Variants in LMBR1 observed in about 807,000 individuals in gnomAD.
LMBR1 encodes the protein limb region 1 protein homolog.
Under a neutral mutation model 73.9 loss-of-function variants are expected in LMBR1, and 52 were observed. That is an observed-to-expected ratio of 0.70 (90% CI 0.56 to 0.89). The LOEUF is 0.89. LMBR1 is among the 40% of genes least tolerant of loss of function. The pLI is 0.00. For missense variants in LMBR1, 539 were observed against 579.8 expected, an observed-to-expected ratio of 0.93 and a Z score of 0.72; for synonymous variants, 215 against 209.4, an observed-to-expected ratio of 1.03 and a Z score of -0.23.
At chr7:156,704,938 G>A (rs530654637) in intron 15 of LMBR1, among the ~76,000 whole-genome samples, 5 of 152,152 alleles carry the variant, frequency 3.3e-5, no homozygotes, top group Middle Eastern at 3.4e-3. Context: ...ATGAAGCCTT[G>A]GAGATGTTTG....
intron 5 of LMBR1, among the ~76,000 whole-genome samples, chr7:156,791,942 A>G (rs1360213985): frequency 1.3e-5 from 2 of 152,256 alleles, no homozygotes; most frequent in African/African-American, 2.4e-5. Flanking sequence ...TAAATTTTAC[A>G]TAACAATCAT....
chr7:156,778,212 C>T (rs1226537347), intron 5 of LMBR1, among the ~76,000 whole-genome samples: 1 of 152,136 alleles, frequency 6.6e-6, no homozygotes, highest in Non-Finnish European at 1.5e-5. Context: ...CAGTAAATAA[C>T]TCACAAAAAG....
At chr7:156,749,552 A>T (rs73741522) in intron 9 of LMBR1, among the ~76,000 whole-genome samples, 1,994 of 152,296 alleles carry the variant, frequency 0.013, 46 homozygotes, top group African/African-American at 0.046. Context: ...TGTATAAGAC[A>T]TGTCTTGTTT....
intron 12 of LMBR1, among the ~76,000 whole-genome samples, chr7:156,726,401 T>C (rs77824383): frequency 0.032 from 4,868 of 152,094 alleles, 120 homozygotes; most frequent in South Asian, 0.083. Flanking sequence ...AAAAAAGTAA[T>C]GCTATAAATT....
intron 5 of LMBR1, among the ~76,000 whole-genome samples, chr7:156,787,764 A>G (rs888328695): frequency 2.0e-5 from 3 of 152,182 alleles, no homozygotes; most frequent in Non-Finnish European, 2.9e-5. Flanking sequence ...CAAACTAGAT[A>G]TAACTGGATC....
chr7:156,871,881 G>C lies in LMBR1; in HGVS notation c.66+21047C>G, dbSNP rs56289606. ...GGTTTCCCACTGAGATCAGGCACAAGGCAGAGATGTCCACTCTTACTTACT... is the reference window on the plus strand; with the variant it reads ...GGTTTCCCACTGAGATCAGGCACAACGCAGAGATGTCCACTCTTACTTACT... On this transcript the variant is annotated intron_variant, in intron 1 of 16. Coordinates refer to ENST00000353442, the MANE Select transcript of LMBR1 (RefSeq NM_022458.4). 4.7e-3 allele frequency among the ~76,000 whole-genome samples: 713 copies of C among 152,268 alleles called. 8 individuals are homozygous for C. The highest frequency in any genetic ancestry group is 0.017 in the African/African-American group (688 of 41,554).
At position 156,684,142 on chromosome 7, in the gene LMBR1, G is replaced by A; in HGVS notation, c.1409C>T (p.Pro470Leu). 2 of 1,613,776 alleles carry A rather than the reference G, an allele frequency of 1.2e-6. No homozygotes were observed. Among genetic ancestry groups the A allele is most frequent in the South Asian group, 2.2e-5 (2 of 91,038 alleles). The change falls in exon 17 of 17, where the codon CCA (proline) becomes CTA (leucine). Residue 470 changes from proline (P) to leucine (L), a missense_variant. Around this residue, in one of 3 missense-constraint regions of LMBR1, gnomAD observed 69 missense variants for 68.5 expected, o/e 1.01. Transcript: ENST00000353442. ...TGTTTCTGAATCCCTTGAAGTATTT[G>A]GTAAGTGAAGTTTATGAAGCCCTGC... is the stretch of plus-strand genomic sequence containing the variant. ...KALGLHKLHL[P>L]NTSRDSETAK...
intron 4 of LMBR1, among the ~76,000 whole-genome samples, chr7:156,806,579 A>T (rs1213959088): frequency 7.0e-6 from 1 of 142,124 alleles, no homozygotes; most frequent in Non-Finnish European, 1.5e-5. Context: ...TGATGTTATC[A>T]GTAGGTTTTT....
intron 9 of LMBR1, among the ~76,000 whole-genome samples, chr7:156,743,498 C>T (rs998966789): frequency 1.3e-5 from 2 of 152,106 alleles, no homozygotes; most frequent in Admixed American, 6.5e-5. Flanking sequence ...GAAGTTTAGA[C>T]ACAGAGCAAA....
At chr7:156,882,859 G>A (rs933876632) in intron 1 of LMBR1, among the ~76,000 whole-genome samples, 10 of 151,774 alleles carry the variant, frequency 6.6e-5, no homozygotes, top group African/African-American at 9.7e-5. Context: ...GTGAAACCCC[G>A]TCTCTACTAA....
intron 1 of LMBR1, among the ~76,000 whole-genome samples, chr7:156,873,086 G>A (rs1799566237): frequency 6.6e-6 from 1 of 152,160 alleles, no homozygotes; most frequent in Non-Finnish European, 1.5e-5. Flanking sequence ...GTGGGTTCTT[G>A]GTCTCACTGA....
At chr7:156,861,341 A>G (rs1002347847) in intron 1 of LMBR1, among the ~76,000 whole-genome samples, 4 of 152,174 alleles carry the variant, frequency 2.6e-5, no homozygotes, top group African/African-American at 9.7e-5. Context: ...CACAGCTGGA[A>G]CAGCTGGGAC....
At chr7:156,867,634 C>T (rs966626790) in intron 1 of LMBR1, among the ~76,000 whole-genome samples, 2 of 152,128 alleles carry the variant, frequency 1.3e-5, no homozygotes, top group African/African-American at 4.8e-5. Flanking sequence ...AAATATCATG[C>T]TTAAATGAAA....
At position 156,718,862 on chromosome 7, in the gene LMBR1, C is replaced by CT. The variant is rs141231287; in HGVS notation, c.1225+5249dup. ...TTTAACTGTAACGTTTTTCAAGTTA[C>CT]TTTTTTTTTTTTACATAAAAATCAA... On this transcript the variant is annotated intron_variant, in intron 15 of 16. Coordinates refer to ENST00000353442, the MANE Select transcript of LMBR1 (RefSeq NM_022458.4). Among the ~76,000 whole-genome samples, 823 of 144,966 alleles carry CT rather than the reference C, an allele frequency of 5.7e-3. 6 individuals are homozygous for CT. Among genetic ancestry groups the CT allele is most frequent in the African/African-American group, 0.018 (710 of 39,792 alleles).
chr7:156,805,977 C>A (rs1299417111), intron 4 of LMBR1, among the ~76,000 whole-genome samples: 3 of 152,148 alleles, frequency 2.0e-5, no homozygotes, highest in Admixed American at 1.3e-4. Flanking sequence ...AGAATAGGGT[C>A]CTCATCAAGA....
At chr7:156,839,554 G>A (rs1838274228) in intron 1 of LMBR1, among the ~76,000 whole-genome samples, 1 of 152,162 alleles carries the variant, frequency 6.6e-6, no homozygotes, top group Non-Finnish European at 1.5e-5. Flanking sequence ...TCTGAGTGAT[G>A]ATGAAGTCTA....
intron 1 of LMBR1, among the ~76,000 whole-genome samples, chr7:156,888,641 G>A (rs1055888957): frequency 1.3e-5 from 2 of 152,132 alleles, no homozygotes; most frequent in South Asian, 2.1e-4. Flanking sequence ...TTCTGGGCCA[G>A]GCACGTTGGC....
At chr7:156,868,316 C>T (rs1798767915) in intron 1 of LMBR1, among the ~76,000 whole-genome samples, 2 of 151,354 alleles carry the variant, frequency 1.3e-5, no homozygotes, top group South Asian at 4.2e-4. Context: ...GCCTTAGCTT[C>T]CCAAGTAGCT....
intron 9 of LMBR1, among the ~76,000 whole-genome samples, chr7:156,748,411 G>A (rs999749083): frequency 3.9e-5 from 6 of 151,926 alleles, no homozygotes; most frequent in African/African-American, 1.5e-4. Context: ...CTACTATTGG[G>A]AATACCATCA....
Sources: gnomAD v4.1 joint callset for allele counts (sites outside exome capture counted in the v4.1 genomes callset) on GRCh38, gnomAD v4.1.1 for gene constraint, gnomAD v4.1.1 regional missense constraint, MANE v1.5 for transcripts, NCBI Gene and HGNC (gene_info 2026-07-23, HGNC 2026-07-21) for gene names.